Variants in MBNL2 observed in about 807,000 individuals in gnomAD.
MBNL2 encodes muscleblind-like protein 2.
A neutral mutation model predicts 41.9 loss-of-function variants in MBNL2; 17 were observed. The observed-to-expected ratio is 0.41, with a 90% CI of 0.28 to 0.61. MBNL2 has a LOEUF of 0.61. Ranked by LOEUF, MBNL2 falls within the 20% of genes least tolerant of loss-of-function variation. The pLI is 0.35. For synonymous variants in MBNL2, 195 were observed against 182.9 expected, an observed-to-expected ratio of 1.07 and a Z score of -0.53; for missense variants, 336 against 505.6, an observed-to-expected ratio of 0.66 and a Z score of 3.22.
At chr13:97,266,369 C>T (rs1190583415) in intron 1 of MBNL2, among the ~76,000 whole-genome samples, 4 of 152,242 alleles carry the variant, frequency 2.6e-5, no homozygotes, top group Non-Finnish European at 5.9e-5. Context: ...CGAAGTCAAT[C>T]GAGTTCTCTA....
chr13:97,172,534 T>A, the MBNL2 span: 1 of 152,134 alleles, frequency 6.6e-6, no homozygotes, highest in Non-Finnish European at 1.5e-5. Flanking sequence ...AGACTGCAAA[T>A]TTTCCACTGG....
chr13:97,309,362 G>GGGGTGGTCAATTTAAAATGAGGTCATCA (rs2058382967), intron 2 of MBNL2, among the ~76,000 whole-genome samples: 3 of 152,318 alleles, frequency 2.0e-5, no homozygotes, highest in African/African-American at 7.2e-5. Context: ...GCCCTTTACA[G>GGGGTGGTCAATTTAAAATGAGGTCATCA]GGGTGGTCAA....
chr13:97,351,760 A>T (rs1454654947), intron 5 of MBNL2, among the ~76,000 whole-genome samples: 1 of 152,186 alleles, frequency 6.6e-6, no homozygotes, highest in Non-Finnish European at 1.5e-5. Context: ...GTGGTAGCTC[A>T]TGCCTATAAT....
intron 1 of MBNL2, among the ~76,000 whole-genome samples, chr13:97,223,801 C>T (rs1052077056): frequency 5.3e-5 from 8 of 152,178 alleles, no homozygotes; most frequent in African/African-American, 1.4e-4. Context: ...GGCAATGCCA[C>T]GTAGATTCTT....
At chr13:97,339,866 T>TGGGGG (rs1333514307) in intron 3 of MBNL2, among the ~76,000 whole-genome samples, 3 of 79,394 alleles carry the variant, frequency 3.8e-5, no homozygotes, top group African/African-American at 2.3e-4. Flanking sequence ...AACTGATTTG[T>TGGGGG]GTGTGGGCGG....
chr13:97,307,497 C>T (rs976710590), intron 2 of MBNL2, among the ~76,000 whole-genome samples: 1 of 151,906 alleles, frequency 6.6e-6, no homozygotes, highest in Admixed American at 6.6e-5. Context: ...CTTTGGAAGC[C>T]GACATACCGT....
rs2063838528 is a variant in MBNL2, at chr13:97,366,352, AC to A, written c.1048+1184del. ...TGATTGCATGCCATCTGCTGGTTTA[AC>A]CCATGATGGCTTGCTGCTCTGATAT... On this transcript the variant is annotated intron_variant, in intron 8 of 8. Coordinates refer to ENST00000679496, the MANE Select transcript of MBNL2 (RefSeq NM_001382683.1). The surrounding 1 kb of genome is among the most constrained non-coding windows in gnomAD (Gnocchi z 4.7). 12 of 639,408 alleles carry A rather than the reference AC, an allele frequency of 1.9e-5. No individual in the cohort carries two copies. Among genetic ancestry groups the A allele is most frequent in the Non-Finnish European group, 3.4e-5 (12 of 351,316 alleles). The allele number at this position is 639,408 out of a possible 1,614,324, so 39.6% of individuals were successfully genotyped here. A position where few individuals can be genotyped will look rare whatever the true frequency, so the allele number is the denominator to read the frequency against.
chr13:97,264,152 C>G (rs1391624611), intron 1 of MBNL2, among the ~76,000 whole-genome samples: 2 of 151,672 alleles, frequency 1.3e-5, no homozygotes, highest in Non-Finnish European at 2.9e-5. Flanking sequence ...CTCAGCCTCC[C>G]GAGTAGCTGG....
upstream of MBNL2, among the ~76,000 whole-genome samples, chr13:97,219,242 A>G (rs1296453721): frequency 6.6e-6 from 1 of 152,174 alleles, no homozygotes; most frequent in African/African-American, 2.4e-5. Context: ...GAAAACAAGA[A>G]GTAGATCTGA....
At chr13:97,243,131 C>T (rs911768249) in intron 1 of MBNL2, among the ~76,000 whole-genome samples, 3 of 152,184 alleles carry the variant, frequency 2.0e-5, no homozygotes, top group Non-Finnish European at 2.9e-5. Context: ...GTGGCAGGCA[C>T]GGACAGTGGA....
chr13:97,367,421 G>C (rs183676584), intron 8 of MBNL2, among the ~76,000 whole-genome samples: 1 of 152,244 alleles, frequency 6.6e-6, no homozygotes, highest in East Asian at 1.9e-4. Context: ...GAACAATTTT[G>C]GTTTGGTTTT....
chr13:97,177,916 C>G, the MBNL2 span, among the ~76,000 whole-genome samples: 3 of 152,168 alleles, frequency 2.0e-5, no homozygotes, highest in Admixed American at 6.5e-5. Context: ...ACCTAGAATT[C>G]TCTAAGACAA....
chr13:97,315,146 G>GA (rs1228020365), intron 2 of MBNL2, among the ~76,000 whole-genome samples: 1 of 151,824 alleles, frequency 6.6e-6, no homozygotes, highest in South Asian at 2.1e-4. Flanking sequence ...TGTCTTACTG[G>GA]AAAAAAAGCC....
In MBNL2 at chr13:97,334,550, A is replaced by G; in HGVS notation, c.339+110A>G. Reference sequence around the variant, plus strand: ...CCACTTTGTCACTTTGGTTACAATTAAAGCAAATAGCTTTAAAGCTCAATA... The same window carrying G: ...CCACTTTGTCACTTTGGTTACAATTGAAGCAAATAGCTTTAAAGCTCAATA... On this transcript the variant is annotated intron_variant, in intron 3 of 8. Transcript: ENST00000679496. The surrounding 1 kb of genome is among the most constrained non-coding windows in gnomAD (Gnocchi z 5.3). The G allele has an allele frequency of 1.4e-6, 1 of 690,246 alleles. No homozygotes were observed. The highest frequency in any genetic ancestry group is 2.3e-6 in the Non-Finnish European group (1 of 429,250). 42.8% of individuals were successfully genotyped at this position (690,246 alleles called of 1,614,324 possible). A position where few individuals can be genotyped will look rare whatever the true frequency, so the allele number is the denominator to read the frequency against.
the MBNL2 span, among the ~76,000 whole-genome samples, chr13:97,189,228 C>T: frequency 6.6e-6 from 1 of 152,184 alleles, no homozygotes; most frequent in African/African-American, 2.4e-5. Context: ...TGTCAAAACA[C>T]TCAGTCACCG....
At chr13:97,207,211 G>T in the MBNL2 span, among the ~76,000 whole-genome samples, 1 of 152,116 alleles carries the variant, frequency 6.6e-6, no homozygotes, top group South Asian at 2.1e-4. Context: ...TGAGGTTAGG[G>T]GATAGTCTTA....
intron 1 of MBNL2, among the ~76,000 whole-genome samples, chr13:97,226,525 A>C (rs1398127443): frequency 6.6e-6 from 1 of 152,214 alleles, no homozygotes; most frequent in Non-Finnish European, 1.5e-5. Context: ...CAAAATTGTA[A>C]GTTTCAAAGA....
At chr13:97,217,328 G>A (rs770523418), upstream of MBNL2, among the ~76,000 whole-genome samples, 2 of 152,058 alleles carry the variant, frequency 1.3e-5, no homozygotes, top group Non-Finnish European at 2.9e-5. Flanking sequence ...CTAGGCACTG[G>A]GGATAAACTG....
chr13:97,264,225 C>T (rs542889122), intron 1 of MBNL2, among the ~76,000 whole-genome samples: 1 of 151,778 alleles, frequency 6.6e-6, no homozygotes, highest in African/African-American at 2.4e-5. Context: ...GATGGAGTTT[C>T]ACCGTGTTAG....
Sources: gnomAD v4.1 joint callset for allele counts (sites outside exome capture counted in the v4.1 genomes callset) on GRCh38, gnomAD v4.1.1 for gene constraint, Gnocchi (gnomAD v3.1) non-coding constraint, MANE v1.5 for transcripts, NCBI Gene and HGNC (gene_info 2026-07-23, HGNC 2026-07-21) for gene names.